PIK3C2G: variants seen among roughly 807,000 people sequenced by gnomAD.
PIK3C2G encodes phosphatidylinositol-4-phosphate 3-kinase catalytic subunit type 2 gamma.
Under a neutral mutation model 181.1 loss-of-function variants are expected in PIK3C2G, and 168 were observed. The observed-to-expected ratio is 0.93, with a 90% CI of 0.82 to 1.05. The LOEUF (loss-of-function observed/expected upper bound fraction) is 1.05, where lower values mean the gene tolerates loss of function less well. Ranked by LOEUF, PIK3C2G falls within the 50% of genes least tolerant of loss-of-function variation. The pLI is 0.00. For synonymous variants in PIK3C2G, 573 were observed against 592.2 expected, an observed-to-expected ratio of 0.97 and a Z score of 0.47; for missense variants, 1,869 against 1,732.8, an observed-to-expected ratio of 1.08 and a Z score of -1.40.
At chr12:18,404,928 T>A (rs1944435096) in intron 16 of PIK3C2G, among the ~76,000 whole-genome samples, 1 of 152,020 alleles carries the variant, frequency 6.6e-6, no homozygotes, top group Admixed American at 6.6e-5. Context: ...ATTGAAATAA[T>A]CCATTTGAAA....
rs189082059 is a variant in PIK3C2G at position 18,368,303 on chromosome 12, C to A, written c.1749-2877C>A. On this transcript the variant is annotated intron_variant, in intron 12 of 32. Coordinates refer to ENST00000538779, the MANE Select transcript of PIK3C2G (RefSeq NM_001288772.2). ...TGAATATAATGCGGTATACAACCTA[C>A]AATTTGCCATATATTGTGTTATAGA... Among the ~76,000 whole-genome samples, 112 of 152,236 alleles carry A rather than the reference C, an allele frequency of 7.4e-4. 1 individual carries two copies. The highest frequency in any genetic ancestry group is 2.6e-3 in the African/African-American group (107 of 41,530).
At chr12:18,579,831 C>A (rs1297279769) in intron 29 of PIK3C2G, among the ~76,000 whole-genome samples, 4 of 152,042 alleles carry the variant, frequency 2.6e-5, no homozygotes, top group African/African-American at 9.7e-5. Context: ...TAAATAAGAT[C>A]TTTATAAAGA....
intron 29 of PIK3C2G, among the ~76,000 whole-genome samples, chr12:18,580,480 T>G (rs975462392): frequency 3.9e-5 from 6 of 152,208 alleles, no homozygotes; most frequent in Non-Finnish European, 5.9e-5. Context: ...AACCCAGATG[T>G]TAATTACTAC....
At chr12:18,712,623 A>C in the PIK3C2G span, among the ~76,000 whole-genome samples, 2 of 152,178 alleles carry the variant, frequency 1.3e-5, no homozygotes, top group African/African-American at 4.8e-5. Flanking sequence ...GAGTAAACAA[A>C]AAGTTCCATG....
intron 5 of PIK3C2G, among the ~76,000 whole-genome samples, chr12:18,298,438 T>C (rs938528640): frequency 9.9e-5 from 15 of 151,368 alleles, no homozygotes; most frequent in African/African-American, 3.6e-4. Flanking sequence ...GAGTTTCTTT[T>C]ATATTCTGCA....
At chr12:18,437,194 A>T (rs1169557225) in intron 18 of PIK3C2G, among the ~76,000 whole-genome samples, 1 of 152,060 alleles carries the variant, frequency 6.6e-6, no homozygotes, top group African/African-American at 2.4e-5. Flanking sequence ...GTTCATGAAA[A>T]GATTGCTCCT....
At chr12:18,336,017 A>C (rs1407721893) in intron 8 of PIK3C2G, among the ~76,000 whole-genome samples, 2 of 152,170 alleles carry the variant, frequency 1.3e-5, no homozygotes, top group Admixed American at 6.6e-5. Flanking sequence ...ATGAAAAAAA[A>C]CATAGAACCT....
Position 18,640,455 on chromosome 12 carries a change from T to C in PIK3C2G, c.4209T>C (p.Ser1403=), listed in dbSNP as rs766779266. ...ATCTCCCAGATGGCTCTGCGCCCAGTGCACATGTTGAATTTTATCTTTTAC... is the reference window on the plus strand; with the variant it reads ...ATCTCCCAGATGGCTCTGCGCCCAGCGCACATGTTGAATTTTATCTTTTAC... The part of the protein sequence containing the change: ...NIHLPDGSAP[S]AHVEFYLLPY... The change falls in exon 32 of 33, where the codon AGT becomes AGC. Residue 1403 remains serine, a synonymous_variant. Coordinates refer to ENST00000538779, the MANE Select transcript of PIK3C2G (RefSeq NM_001288772.2). The C allele has an allele frequency of 2.5e-6, 4 of 1,610,396 alleles. No individual in the cohort carries two copies. In the South Asian group the frequency reaches 4.4e-5, roughly 18 times the overall value.
chr12:18,323,290 C>A (rs1283027338), intron 7 of PIK3C2G, among the ~76,000 whole-genome samples: 1 of 152,198 alleles, frequency 6.6e-6, no homozygotes, highest in East Asian at 1.9e-4. Flanking sequence ...ACTCCTCCAT[C>A]CCTCCCTCCA....
intron 17 of PIK3C2G, among the ~76,000 whole-genome samples, chr12:18,422,361 C>G (rs771323720): frequency 1.3e-5 from 2 of 151,910 alleles, no homozygotes; most frequent in East Asian, 1.9e-4. Context: ...ACTCATTGTC[C>G]TTAGACTTCT....
the PIK3C2G span, among the ~76,000 whole-genome samples, chr12:18,710,738 C>G: frequency 6.6e-6 from 1 of 152,110 alleles, no homozygotes; most frequent in African/African-American, 2.4e-5. Context: ...AGTAAAGCCA[C>G]TGCTCAAAAG....
intron 14 of PIK3C2G, among the ~76,000 whole-genome samples, chr12:18,384,833 T>C (rs932837704): frequency 2.6e-5 from 4 of 152,198 alleles, no homozygotes; most frequent in Admixed American, 1.3e-4. Context: ...AACCATCCCA[T>C]TTTTACAAAA....
rs143034923 is a variant in PIK3C2G, at chr12:18,376,339, C to G, written c.1880+5028C>G. 2.9e-3 allele frequency among the ~76,000 whole-genome samples: 441 copies of G among 152,306 alleles called. 4 individuals are homozygous for G. The highest frequency in any genetic ancestry group is 9.6e-3 in the African/African-American group (401 of 41,572). On this transcript the variant is annotated intron_variant, in intron 13 of 32. Transcript: ENST00000538779. ...AATGACTGCCCCGCTGGGTTTCAGA[C>G]TTCCATGGGACCTGTAACTCCTTTC...
intron 24 of PIK3C2G, among the ~76,000 whole-genome samples, chr12:18,536,465 T>C (rs145876983): frequency 1.3e-5 from 2 of 152,212 alleles, no homozygotes; most frequent in East Asian, 3.9e-4. Flanking sequence ...CCCAGAGTCA[T>C]AGAACTACTA....
rs182528446 is a variant in PIK3C2G, at chr12:18,625,138, T to C, written c.4183-15291T>C. On this transcript the variant is annotated intron_variant, in intron 31 of 32. Transcript: ENST00000538779. ...AATTGTTTATTTGCAAGTTTTGTTC[T>C]TATTTGATATTGGCATTTATTGTTA... 3.4e-4 allele frequency among the ~76,000 whole-genome samples: 51 copies of C among 151,898 alleles called. No individual in the cohort carries two copies. In the East Asian group the frequency reaches 7.7e-3, roughly 23 times the overall value.
intron 26 of PIK3C2G, among the ~76,000 whole-genome samples, chr12:18,556,952 G>A (rs1198996744): frequency 6.6e-6 from 1 of 152,104 alleles, no homozygotes; most frequent in African/African-American, 2.4e-5. Context: ...GAATCTTTAT[G>A]AAATTGAAGG....
chr12:18,683,078 C>A, the PIK3C2G span: 2 of 680,292 alleles, frequency 2.9e-6, no homozygotes, highest in Non-Finnish European at 5.0e-6. Context: ...TTCTTTTCTT[C>A]CACTGATTTA....
At chr12:18,301,049 T>C (rs928619290) in intron 5 of PIK3C2G, among the ~76,000 whole-genome samples, 1 of 152,132 alleles carries the variant, frequency 6.6e-6, no homozygotes, top group African/African-American at 2.4e-5. Context: ...TTACATGGCC[T>C]GTAAAGTTTC....
chr12:18,274,514 G>A (rs1445096361), intron 1 of PIK3C2G, among the ~76,000 whole-genome samples: 1 of 152,152 alleles, frequency 6.6e-6, no homozygotes, highest in Non-Finnish European at 1.5e-5. Context: ...GGACATGGAT[G>A]AAGCTGGAAA....
Sources: gnomAD v4.1 joint callset for allele counts (sites outside exome capture counted in the v4.1 genomes callset) on GRCh38, gnomAD v4.1.1 for gene constraint, MANE v1.5 for transcripts, NCBI Gene and HGNC (gene_info 2026-07-23, HGNC 2026-07-21) for gene names.